TIMP2: variants seen among roughly 807,000 people sequenced by gnomAD.
The protein encoded by TIMP2 is metalloproteinase inhibitor 2.
Under a neutral mutation model 24.3 loss-of-function variants are expected in TIMP2, and 5 were observed. The observed-to-expected ratio is 0.21, with a 90% CI of 0.11 to 0.43. TIMP2 has a LOEUF of 0.43. Among genes scored for constraint, TIMP2 ranks in the 20% least tolerant of loss-of-function variants. The pLI, the probability that TIMP2 is intolerant of heterozygous loss-of-function variation, is 1.00. For synonymous variants in TIMP2, 130 were observed against 123.2 expected, an observed-to-expected ratio of 1.06 and a Z score of -0.37; for missense variants, 221 against 297.5, an observed-to-expected ratio of 0.74 and a Z score of 1.89.
chr17:78,857,737 T>G (rs1389368319), intron 3 of TIMP2, 91 bp from the exon 4 acceptor site: 1 of 1,542,472 alleles, frequency 6.5e-7, no homozygotes, highest in Non-Finnish European at 8.8e-7. Context: ...CGCTGGGATT[T>G]CGTTGCAACA....
intron 3 of TIMP2, among the ~76,000 whole-genome samples, chr17:78,866,634 A>G (rs1004694862): frequency 1.1e-4 from 17 of 152,050 alleles, no homozygotes; most frequent in African/African-American, 3.6e-4. Flanking sequence ...AACGGTGGCA[A>G]CAACCCAAAT....
At chr17:78,893,493 G>C (rs910433515) in intron 1 of TIMP2, among the ~76,000 whole-genome samples, 24 of 150,242 alleles carry the variant, frequency 1.6e-4, no homozygotes, top group Admixed American at 2.6e-4. Context: ...GTGCAGGGGT[G>C]TGTGCGCGCA....
intron 1 of TIMP2, among the ~76,000 whole-genome samples, chr17:78,889,594 C>G (rs1161405289): frequency 6.6e-6 from 1 of 152,196 alleles, no homozygotes; most frequent in Non-Finnish European, 1.5e-5. Flanking sequence ...ACCTTGGGTG[C>G]CCCTGAAAGG....
chr17:78,854,921 C>CGGGGGGGGGGGGGGGGGGGGGGG lies in TIMP2; in HGVS notation c.*745_*746insCCCCCCCCCCCCCCCCCCCCCCC, dbSNP rs71161632. 12 of 39,088 alleles carry CGGGGGGGGGGGGGGGGGGGGGGG rather than the reference C, an allele frequency of 3.1e-4. No individual in the cohort carries two copies. The highest frequency in any genetic ancestry group is 5.6e-4 in the Admixed American group (2 of 3,580). 2.4% of individuals were successfully genotyped at this position (39,088 alleles called of 1,614,324 possible). A position where few individuals can be genotyped will look rare whatever the true frequency, so the allele number is the denominator to read the frequency against. ...TCCTGCAAGCTGGGGAGCATGTGGG[C>CGGGGGGGGGGGGGGGGGGGGGGG]GGGGGGGGGGGGGTGGGGGGGTGGG... On this transcript the variant is annotated 3_prime_UTR_variant, in exon 5 of 5. Coordinates refer to ENST00000262768, the MANE Select transcript of TIMP2 (RefSeq NM_003255.5).
At chr17:78,878,597 T>A (rs1002812314) in intron 1 of TIMP2, among the ~76,000 whole-genome samples, 2 of 152,170 alleles carry the variant, frequency 1.3e-5, no homozygotes, top group African/African-American at 2.4e-5. Flanking sequence ...GGCTGCAGAT[T>A]ACACACTTTC....
chr17:78,860,763 T>C (rs747336656), intron 3 of TIMP2, among the ~76,000 whole-genome samples: 4 of 152,264 alleles, frequency 2.6e-5, no homozygotes, highest in Middle Eastern at 6.8e-3. Context: ...TAGCTGGGCA[T>C]GGTGGCTCAC....
intron 1 of TIMP2, among the ~76,000 whole-genome samples, chr17:78,882,128 CTGA>C (rs2069785624): frequency 6.6e-6 from 1 of 152,198 alleles, no homozygotes. Context: ...CCATGCCCGG[CTGA>C]TTTTTATTTT....
Position 78,925,072 on chromosome 17 carries a change from C to A in TIMP2, c.17G>T (p.Arg6Leu). 1 of 748,306 alleles carries A rather than the reference C, an allele frequency of 1.3e-6. No homozygotes were observed. Among genetic ancestry groups the A allele is most frequent in the Admixed American group, 8.6e-5 (1 of 11,682 alleles). The allele number at this position is 748,306 out of a possible 1,614,324, so 46.4% of individuals were successfully genotyped here. MGAAA[R>L]TLRLALGLLL... Reference sequence around the variant, plus strand: ...GAGGCCGAGCGCCAGCCGCAGGGTGCGGGCCGCGGCGCCCATGGCGGGCCG... The same window carrying A: ...GAGGCCGAGCGCCAGCCGCAGGGTGAGGGCCGCGGCGCCCATGGCGGGCCG... Residue 6 changes from arginine to leucine, a missense_variant, in exon 1 of 5, where the codon CGC (arginine) becomes CTC (leucine). Physicochemically the swap from Arg to Leu is moderately radical, Grantham distance 102. Coordinates refer to ENST00000262768, the MANE Select transcript of TIMP2 (RefSeq NM_003255.5).
At chr17:78,867,845 C>T (rs527935616) in intron 3 of TIMP2, among the ~76,000 whole-genome samples, 14 of 151,916 alleles carry the variant, frequency 9.2e-5, no homozygotes, top group African/African-American at 3.1e-4. Context: ...ATGATCTGCC[C>T]GTCTCGGCCT....
In TIMP2 at chr17:78,925,038, C is replaced by T. The variant is rs1599182159; in HGVS notation, c.51G>A (p.Leu17=). The T allele has an allele frequency of 8.0e-7, 1 of 1,245,044 alleles. No homozygotes were observed. Among genetic ancestry groups the T allele is most frequent in the South Asian group, 2.6e-5 (1 of 37,768 alleles). 77.1% of individuals were successfully genotyped at this position (1,245,044 alleles called of 1,614,324 possible). ...TLRLALGLLL[L]ATLLRPADAC... is the part of the protein sequence containing the mutation. ...CGTCGGCCGGGCGAAGCAGCGTCGC[C>T]AGCAGCAGGAGGCCGAGCGCCAGCC... Residue 17 remains leucine, a synonymous_variant, in exon 1 of 5, where the codon CTG becomes CTA. Coordinates refer to ENST00000262768, the MANE Select transcript of TIMP2 (RefSeq NM_003255.5).
In TIMP2 at chr17:78,925,307, C is replaced by T. The variant is rs2070342868; in HGVS notation, c.-219G>A. On this transcript the variant is annotated 5_prime_UTR_variant, in exon 1 of 5. Coordinates refer to ENST00000262768, the MANE Select transcript of TIMP2 (RefSeq NM_003255.5). ...GGGGCGCGGGGCGCAATTCGCCGGG[C>T]GGGGCGGCGGGGTGGGGGGCGGCGG... 1 of 27,596 alleles carries T rather than the reference C, an allele frequency of 3.6e-5. No individual in the cohort carries two copies. The highest frequency in any genetic ancestry group is 7.7e-5 in the Non-Finnish European group (1 of 13,008). The allele number at this position is 27,596 out of a possible 1,614,324, so 1.7% of individuals were successfully genotyped here.
At chr17:78,909,067 G>A (rs11870586) in intron 1 of TIMP2, among the ~76,000 whole-genome samples, 13,262 of 152,274 alleles carry the variant, frequency 0.087, 602 homozygotes, top group Middle Eastern at 0.12. Context: ...CAGTAGGTAG[G>A]TCAGGTGCAG....
At chr17:78,890,417 G>C (rs1171507293) in intron 1 of TIMP2, among the ~76,000 whole-genome samples, 3 of 152,112 alleles carry the variant, frequency 2.0e-5, no homozygotes, top group Non-Finnish European at 2.9e-5. Context: ...GGCCAGGCTG[G>C]TCTCAAACTC....
intron 3 of TIMP2, among the ~76,000 whole-genome samples, chr17:78,858,320 G>A (rs1260329599): frequency 6.6e-6 from 1 of 151,806 alleles, no homozygotes; most frequent in Non-Finnish European, 1.5e-5. Context: ...GCGGGCACCT[G>A]TAGTCCCAGC....
Position 78,925,030 on chromosome 17 carries a change from A to T in TIMP2, c.59T>A (p.Leu20Gln). The part of the protein sequence containing the change: ...LALGLLLLAT[L>Q]LRPADACSCS... ...GCTGCAGGCGTCGGCCGGGCGAAGC[A>T]GCGTCGCCAGCAGCAGGAGGCCGAG... Residue 20 changes from leucine (L) to glutamine (Q), a missense_variant, in exon 1 of 5, where the codon CTG (leucine) becomes CAG (glutamine). Leu to Gln is a moderately radical substitution (Grantham distance 113, BLOSUM62 -2). Coordinates refer to ENST00000262768, the MANE Select transcript of TIMP2 (RefSeq NM_003255.5). 8.2e-7 allele frequency: 1 copy of T among 1,225,582 alleles called. No homozygotes were observed. Among genetic ancestry groups the T allele is most frequent in the Non-Finnish European group, 1.0e-6 (1 of 974,656 alleles). 75.9% of individuals were successfully genotyped at this position (1,225,582 alleles called of 1,614,324 possible).
chr17:78,922,151 C>G (rs1416976401), intron 1 of TIMP2: 2 of 152,252 alleles, frequency 1.3e-5, no homozygotes, highest in Non-Finnish European at 2.9e-5. Context: ...CTTTAAGAAT[C>G]TTCCAGGCAA....
intron 1 of TIMP2, chr17:78,892,082 C>T: frequency 6.4e-7 from 1 of 1,551,912 alleles, no homozygotes; most frequent in Non-Finnish European, 8.7e-7. Context: ...CCGTCCTCCT[C>T]CCCAGCCCAA....
In TIMP2 at chr17:78,854,921, C is replaced by CGGGGGGGGGGGTGGGGGGG. The variant is rs2069511586; in HGVS notation, c.*745_*746insCCCCCCCACCCCCCCCCCC. 7.7e-5 allele frequency: 3 copies of CGGGGGGGGGGGTGGGGGGG among 39,088 alleles called. No homozygotes were observed. Among genetic ancestry groups the CGGGGGGGGGGGTGGGGGGG allele is most frequent in the Admixed American group, 2.8e-4 (1 of 3,582 alleles). The allele number at this position is 39,088 out of a possible 1,614,324, so 2.4% of individuals were successfully genotyped here. ...TCCTGCAAGCTGGGGAGCATGTGGGCGGGGGGGGGGGGGTGGGGGGGTGGG... is the reference window on the plus strand; with the variant it reads ...TCCTGCAAGCTGGGGAGCATGTGGGCGGGGGGGGGGGTGGGGGGGGGGGGGGGGGGGGTGGGGGGGTGGG... On this transcript the variant is annotated 3_prime_UTR_variant, in exon 5 of 5. Transcript: ENST00000262768.
In TIMP2 at chr17:78,884,347, A is replaced by G. The variant is rs184195013; in HGVS notation, c.131-10428T>C. Reference sequence around the variant, plus strand: ...CAAGCCGATCCATTTTTGGGGACGAACGTGAGGTCCGGGCCCAGGCTTCAG... The same window carrying G: ...CAAGCCGATCCATTTTTGGGGACGAGCGTGAGGTCCGGGCCCAGGCTTCAG... On this transcript the variant is annotated intron_variant, in intron 1 of 4. Transcript: ENST00000262768. 4.1e-3 allele frequency among the ~76,000 whole-genome samples: 620 copies of G among 152,306 alleles called. 15 individuals carry two copies. The highest frequency in any genetic ancestry group is 1.4e-3 in the Non-Finnish European group (92 of 68,018).
Sources: gnomAD v4.1 joint callset for allele counts (sites outside exome capture counted in the v4.1 genomes callset) on GRCh38, gnomAD v4.1.1 for gene constraint, MANE v1.5 for transcripts, NCBI Gene and HGNC (gene_info 2026-07-23, HGNC 2026-07-21) for gene names.